The following UNC80 variants were observed in gnomAD, a reference collection of about 807,000 sequenced individuals.
The protein encoded by UNC80 is unc-80 subunit of NALCN channel complex.
Under a neutral mutation model 384.6 loss-of-function variants are expected in UNC80, and 164 were observed. The ratio of observed to expected loss-of-function variants is 0.43; its 90% confidence interval spans 0.38 to 0.49. The LOEUF is 0.49. Among genes scored for constraint, UNC80 ranks in the 20% least tolerant of loss-of-function variants. The pLI, the probability that UNC80 is intolerant of heterozygous loss-of-function variation, is 0.00. For synonymous variants in UNC80, 1,486 were observed against 1,527.8 expected, an observed-to-expected ratio of 0.97 and a Z score of 0.64; for missense variants, 3,330 against 4,143.0, an observed-to-expected ratio of 0.80 and a Z score of 5.39.
At chr2:209,864,089 A>G (rs1019782047) in intron 22 of UNC80, among the ~76,000 whole-genome samples, 3 of 151,238 alleles carry the variant, frequency 2.0e-5, no homozygotes, top group African/African-American at 7.3e-5. Flanking sequence ...TTTTATTTCA[A>G]TGGTCAGGTT....
chr2:209,956,820 C>T (rs926063257), intron 48 of UNC80, among the ~76,000 whole-genome samples: 2 of 152,054 alleles, frequency 1.3e-5, no homozygotes, highest in South Asian at 2.1e-4. Context: ...GTAACACCAA[C>T]GGGCAAAGAT....
chr2:209,976,780 G>C lies in UNC80; in HGVS notation c.8773-133G>C. ...ACGATGTAATTATTAAGCACTTCCT[G>C]TGTAAAGTGCCGTTCTAGGAACATC... is the stretch of plus-strand genomic sequence containing the variant. On this transcript the variant is annotated intron_variant, in intron 57 of 64. Transcript: ENST00000673920. This position sits in a 1 kb window ranked among gnomAD's most constrained non-coding sequence, Gnocchi z 4.3. The C allele has an allele frequency of 9.8e-7, 1 of 1,017,500 alleles. No individual in the cohort carries two copies. The highest frequency in any genetic ancestry group is 2.2e-4 in the Middle Eastern group (1 of 4,604). The allele number at this position is 1,017,500 out of a possible 1,614,324, so 63.0% of individuals were successfully genotyped here. A position where few individuals can be genotyped will look rare whatever the true frequency, so the allele number is the denominator to read the frequency against.
intron 6 of UNC80, among the ~76,000 whole-genome samples, chr2:209,790,400 C>A (rs1333802588): frequency 6.6e-6 from 1 of 152,160 alleles, no homozygotes; most frequent in Non-Finnish European, 1.5e-5. Context: ...CCTATTACAT[C>A]TACCATTTAG....
chr2:209,939,699 C>CTTG, intron 43 of UNC80, 47 bp downstream of exon 43: 1 of 1,451,544 alleles, frequency 6.9e-7, no homozygotes, highest in Non-Finnish European at 9.1e-7. Flanking sequence ...TTCTAACACA[C>CTTG]TTGTTGTTTT....
intron 26 of UNC80, among the ~76,000 whole-genome samples, chr2:209,891,796 T>G (rs1211640781): frequency 6.6e-6 from 1 of 152,188 alleles, no homozygotes; most frequent in African/African-American, 2.4e-5. Flanking sequence ...AAATATTCCT[T>G]AATCCATTTG....
chr2:209,785,682 G>A (rs1559085620), intron 4 of UNC80, among the ~76,000 whole-genome samples: 1 of 152,148 alleles, frequency 6.6e-6, no homozygotes, highest in African/African-American at 2.4e-5. Flanking sequence ...TTATGAGGGA[G>A]AATAAGGACA....
chr2:209,831,863 A>G (rs1449871147), intron 16 of UNC80, among the ~76,000 whole-genome samples: 2 of 152,200 alleles, frequency 1.3e-5, no homozygotes, highest in Non-Finnish European at 2.9e-5. Context: ...ATTGTAAAGT[A>G]TGCTGAGCCC....
intron 47 of UNC80, among the ~76,000 whole-genome samples, chr2:209,950,576 T>TA (rs1355061959): frequency 5.3e-5 from 8 of 150,906 alleles, no homozygotes; most frequent in Admixed American, 4.0e-4. Flanking sequence ...TTTTTTTTTT[T>TA]AACGGAGTTT....
chr2:209,909,486 C>A (rs1328874890), intron 29 of UNC80, among the ~76,000 whole-genome samples: 2 of 152,098 alleles, frequency 1.3e-5, no homozygotes, highest in Admixed American at 1.3e-4. Context: ...ACATTTTATC[C>A]CCTGGCCAGC....
At chr2:209,933,202 C>T (rs1410574173) in intron 38 of UNC80, among the ~76,000 whole-genome samples, 1 of 151,994 alleles carries the variant, frequency 6.6e-6, no homozygotes, top group African/African-American at 2.4e-5. Context: ...AAAAAATAAA[C>T]TTGAATGAGG....
At chr2:209,959,274 A>C (rs550565100) in intron 50 of UNC80, 120 bp downstream of exon 50, 444 of 1,322,118 alleles carry the variant, frequency 3.4e-4, no homozygotes, top group African/African-American at 2.5e-3. Flanking sequence ...TTCTGGGTAA[A>C]CCCCCAAAAG....
intron 22 of UNC80, among the ~76,000 whole-genome samples, chr2:209,856,000 A>G (rs1189794898): frequency 6.6e-6 from 1 of 152,170 alleles, no homozygotes; most frequent in Admixed American, 6.5e-5. Flanking sequence ...AAATAAACCT[A>G]TGAGTAAAAT....
At chr2:209,942,693 T>C (rs1259600525) in intron 44 of UNC80, among the ~76,000 whole-genome samples, 6 of 150,426 alleles carry the variant, frequency 4.0e-5, no homozygotes, top group Admixed American at 3.9e-4. Flanking sequence ...CAATTTTCTC[T>C]ATTTTTTTAG....
At chr2:209,823,469 G>A (rs1044469102) in intron 13 of UNC80, among the ~76,000 whole-genome samples, 1 of 152,020 alleles carries the variant, frequency 6.6e-6, no homozygotes, top group African/African-American at 2.4e-5. Flanking sequence ...GGCCCTTGAC[G>A]AAGGAAGCCA....
At chr2:209,970,998 T>C in intron 54 of UNC80, 41 bp downstream of exon 54, 1 of 1,535,072 alleles carries the variant, frequency 6.5e-7, no homozygotes, top group South Asian at 1.2e-5. Flanking sequence ...ATTAAGTTGC[T>C]GGTTGAGGCA....
intron 31 of UNC80, among the ~76,000 whole-genome samples, chr2:209,915,423 A>AC (rs1458912614): frequency 6.7e-6 from 1 of 150,360 alleles, no homozygotes; most frequent in African/African-American, 2.5e-5. Flanking sequence ...AAAAAAAAAA[A>AC]ACAAAAACTG....
chr2:209,831,741 T>A, intron 16 of UNC80, 150 bp downstream of exon 16: 1 of 913,536 alleles, frequency 1.1e-6, no homozygotes, highest in Non-Finnish European at 1.6e-6. Context: ...CACCAGTAAG[T>A]CATAATGGAG....
At position 209,882,095 on chromosome 2, in the gene UNC80, T is replaced by C. The variant is rs2124897726; in HGVS notation, c.4110+1001T>C. 1.3e-5 allele frequency among the ~76,000 whole-genome samples: 2 copies of C among 151,370 alleles called. 1 individual carries two copies. The highest frequency in any genetic ancestry group is 4.2e-4 in the South Asian group (2 of 4,778). On this transcript the variant is annotated intron_variant, in intron 25 of 64. Coordinates refer to ENST00000673920, the MANE Select transcript of UNC80 (RefSeq NM_001371986.1). ...CATTCTCCTGCCACAGCCTCCCGAG[T>C]AGCTGGGACTACAGGCGCGTGCCAC...
chr2:209,916,752 G>A (rs934795047), intron 31 of UNC80, among the ~76,000 whole-genome samples: 1 of 152,172 alleles, frequency 6.6e-6, no homozygotes, highest in East Asian at 1.9e-4. Context: ...AAAGGGCAAG[G>A]AAACCAAACC....
Sources: allele counts gnomAD v4.1 joint callset (sites outside exome capture counted in the v4.1 genomes callset), GRCh38; gene constraint gnomAD v4.1.1; non-coding constraint Gnocchi (gnomAD v3.1); transcripts MANE v1.5; gene names NCBI Gene and HGNC (gene_info 2026-07-23, HGNC 2026-07-21).